ATXN8OS: variants seen among roughly 807,000 people sequenced by gnomAD.
ATXN8OS encodes the protein ATXN8 opposite strand lncRNA.
At chr13:70,118,294 T>C (rs1278310479) in intron 2 of ATXN8OS, among the ~76,000 whole-genome samples, 1 of 152,072 alleles carries the variant, frequency 6.6e-6, no homozygotes, top group Non-Finnish European at 1.5e-5. Context: ...TTTCACTAAG[T>C]AAATCTCTGA....
At chr13:70,129,542 G>A (rs1028472507) in intron 2 of ATXN8OS, among the ~76,000 whole-genome samples, 1 of 151,898 alleles carries the variant, frequency 6.6e-6, no homozygotes, top group East Asian at 1.9e-4. Flanking sequence ...TTAATACAAG[G>A]TCATGTAATG....
At chr13:70,164,049 TTTATTCTTATTA>T (rs147719816) in intron 4 of ATXN8OS, among the ~76,000 whole-genome samples, 61,957 of 140,220 alleles carry the variant, frequency 0.44, 15,857 homozygotes, top group Middle Eastern at 0.57. Context: ...GCTGGAAGTT[TTTATTCTTATTA>T]TTATTATTAT....
At chr13:70,107,626 G>A (rs140989246), upstream of ATXN8OS, 85 of 1,576,808 alleles carry the variant, frequency 5.4e-5, no homozygotes, top group Non-Finnish European at 6.7e-5. Context: ...GGAAGGAGAC[G>A]GGTGGCTGAA....
intron 2 of ATXN8OS, among the ~76,000 whole-genome samples, chr13:70,117,383 C>T (rs551601728): frequency 6.6e-6 from 1 of 152,102 alleles, no homozygotes; most frequent in South Asian, 2.1e-4. Flanking sequence ...AAAAACTATG[C>T]TTTTTCCTGG....
At chr13:70,153,768 T>C (rs1220808127) in intron 4 of ATXN8OS, among the ~76,000 whole-genome samples, 1 of 151,946 alleles carries the variant, frequency 6.6e-6, no homozygotes, top group African/African-American at 2.4e-5. Context: ...CAGCCTTGAC[T>C]TCCCAGGCTC....
intron 3 of ATXN8OS, among the ~76,000 whole-genome samples, chr13:70,135,769 AT>A (rs898812469): frequency 5.9e-4 from 90 of 152,314 alleles, no homozygotes; most frequent in African/African-American, 1.5e-3. Flanking sequence ...TCTGTCACTC[AT>A]TTTTTGATCA....
intron 2 of ATXN8OS, among the ~76,000 whole-genome samples, chr13:70,125,285 T>G (rs1473099890): frequency 6.6e-6 from 1 of 152,178 alleles, no homozygotes; most frequent in Non-Finnish European, 1.5e-5. Context: ...ACAATCTTCT[T>G]AAATTTCTAC....
intron 4 of ATXN8OS, among the ~76,000 whole-genome samples, chr13:70,159,703 T>A (rs981973975): frequency 6.6e-6 from 1 of 152,154 alleles, no homozygotes; most frequent in Non-Finnish European, 1.5e-5. Context: ...GCCAAAACTT[T>A]GCCTGATCTC....
chr13:70,151,334 T>C (rs138003478), intron 4 of ATXN8OS, among the ~76,000 whole-genome samples: 4 of 152,248 alleles, frequency 2.6e-5, no homozygotes, highest in Non-Finnish European at 5.9e-5. Flanking sequence ...TGACATTCTA[T>C]TATCTGCTTC....
intron 4 of ATXN8OS, among the ~76,000 whole-genome samples, chr13:70,167,310 T>A (rs563797622): frequency 1.3e-5 from 2 of 152,102 alleles, no homozygotes; most frequent in Non-Finnish European, 2.9e-5. Flanking sequence ...CACATATACA[T>A]CATGGAATAC....
chr13:70,162,276 C>T (rs1475115170), intron 4 of ATXN8OS, among the ~76,000 whole-genome samples: 1 of 151,928 alleles, frequency 6.6e-6, no homozygotes, highest in Admixed American at 6.6e-5. Flanking sequence ...GTATAGGAAA[C>T]CTGAGACGCA....
At chr13:70,155,161 A>G (rs2137501348) in intron 4 of ATXN8OS, among the ~76,000 whole-genome samples, 1 of 152,312 alleles carries the variant, frequency 6.6e-6, no homozygotes, top group Admixed American at 6.5e-5. Context: ...CTGCAACAGT[A>G]CCTTCTCATG....
chr13:70,114,997 G>A (rs898420312), intron 1 of ATXN8OS: 2 of 391,212 alleles, frequency 5.1e-6, no homozygotes, highest in Non-Finnish European at 4.5e-6. Flanking sequence ...AGAGACTCCT[G>A]GTATTCTCAA....
chr13:70,109,361 A>C (rs987909518), intron 1 of ATXN8OS, among the ~76,000 whole-genome samples: 2 of 152,222 alleles, frequency 1.3e-5, no homozygotes, highest in Non-Finnish European at 2.9e-5. Flanking sequence ...GTGTTCCCTA[A>C]CTTAACCAAG....
chr13:70,126,542 C>A (rs1458938044), intron 2 of ATXN8OS, among the ~76,000 whole-genome samples: 2 of 151,804 alleles, frequency 1.3e-5, no homozygotes, highest in East Asian at 3.9e-4. Context: ...CTATACCTAT[C>A]TATCTGTGTA....
chr13:70,125,169 C>G (rs529693019), intron 2 of ATXN8OS, among the ~76,000 whole-genome samples: 5 of 152,172 alleles, frequency 3.3e-5, no homozygotes, highest in Admixed American at 2.6e-4. Context: ...AACTCATTAT[C>G]TTTGTATCCT....
intron 1 of ATXN8OS, among the ~76,000 whole-genome samples, chr13:70,110,636 T>C (rs886076838): frequency 2.6e-5 from 4 of 151,876 alleles, no homozygotes; most frequent in African/African-American, 9.7e-5. Context: ...ATAATTTGGT[T>C]GGATATTATG....
intron 3 of ATXN8OS, among the ~76,000 whole-genome samples, chr13:70,134,555 C>T (rs746047892): frequency 1.3e-5 from 2 of 152,188 alleles, no homozygotes; most frequent in Admixed American, 6.5e-5. Flanking sequence ...GATAGCAAAG[C>T]TCATCCCAAA....
chr13:70,111,743 A>G (rs1448184747), intron 1 of ATXN8OS, among the ~76,000 whole-genome samples: 2 of 152,182 alleles, frequency 1.3e-5, no homozygotes, highest in Non-Finnish European at 2.9e-5. Context: ...TTTCCAGGAA[A>G]AGCAATTTTT....
Sources: allele counts gnomAD v4.1 joint callset (sites outside exome capture counted in the v4.1 genomes callset), GRCh38; gene constraint gnomAD v4.1.1; transcripts MANE v1.5; gene names NCBI Gene and HGNC (gene_info 2026-07-23, HGNC 2026-07-21).